CDYL2: variants seen among roughly 807,000 people sequenced by gnomAD.
CDYL2 encodes chromodomain Y-like protein 2.
A neutral mutation model predicts 49.4 loss-of-function variants in CDYL2; 23 were observed. The ratio of observed to expected loss-of-function variants is 0.47; its 90% CI spans 0.34 to 0.66. The LOEUF is 0.66. Ranked by LOEUF, CDYL2 falls within the 30% of genes least tolerant of loss-of-function variation. CDYL2 has a pLI of 0.01. For synonymous variants in CDYL2, 360 were observed against 268.8 expected (o/e 1.34, Z -3.32); for missense variants, 678 against 656.4 (o/e 1.03, Z -0.36).
chr16:80,723,708 T>C (rs1905077435), intron 1 of CDYL2, among the ~76,000 whole-genome samples: 2 of 152,224 alleles, frequency 1.3e-5, no homozygotes, highest in South Asian at 4.1e-4. Flanking sequence ...TTCGTTTACA[T>C]ACTTCTATAG....
intron 1 of CDYL2, among the ~76,000 whole-genome samples, chr16:80,711,970 T>C (rs1320170168): frequency 1.3e-5 from 2 of 150,826 alleles, no homozygotes; most frequent in African/African-American, 4.9e-5. Flanking sequence ...TATATATGTG[T>C]ATACACATAT....
At chr16:80,766,915 A>G (rs1228515906) in intron 1 of CDYL2, among the ~76,000 whole-genome samples, 1 of 152,132 alleles carries the variant, frequency 6.6e-6, no homozygotes, top group African/African-American at 2.4e-5. Flanking sequence ...ACAAATACTG[A>G]CTCATTTCAT....
upstream of CDYL2, among the ~76,000 whole-genome samples, chr16:80,805,005 G>C (rs1038706263): frequency 1.3e-5 from 2 of 152,196 alleles, no homozygotes; most frequent in Non-Finnish European, 2.9e-5. Context: ...GGAGGCCACA[G>C]GGAGGAAGGA....
At chr16:80,642,721 T>G (rs1177376866) in intron 2 of CDYL2, among the ~76,000 whole-genome samples, 2 of 152,098 alleles carry the variant, frequency 1.3e-5, no homozygotes, top group African/African-American at 4.8e-5. Context: ...GATGCAAAAG[T>G]GGAAACCCTT....
chr16:80,785,623 A>C (rs7194085), intron 1 of CDYL2, among the ~76,000 whole-genome samples: 3,609 of 152,288 alleles, frequency 0.024, 118 homozygotes, highest in African/African-American at 0.071. Context: ...TTTAAACTTC[A>C]TATAGAACCA....
chr16:80,742,237 A>T (rs1597110323), intron 1 of CDYL2: 1 of 152,256 alleles, frequency 6.6e-6, no homozygotes, highest in Admixed American at 6.5e-5. Flanking sequence ...AAGCATCAAC[A>T]TCAACAGGAA....
chr16:80,786,990 G>A (rs957973711), intron 1 of CDYL2, among the ~76,000 whole-genome samples: 2 of 151,922 alleles, frequency 1.3e-5, no homozygotes, highest in African/African-American at 2.4e-5. Context: ...GATGGGTGCA[G>A]CAAACCACCA....
chr16:80,612,571 A>G lies in CDYL2; in HGVS notation c.1218+55T>C. The G allele has an allele frequency of 6.6e-7, 1 of 1,520,354 alleles. No homozygotes were observed. Among genetic ancestry groups the G allele is most frequent in the Non-Finnish European group, 8.9e-7 (1 of 1,127,972 alleles). The allele number at this position is 1,520,354 out of a possible 1,614,324, so 94.2% of individuals were successfully genotyped here. On this transcript the variant is annotated intron_variant, in intron 5 of 6. Coordinates refer to ENST00000570137, the MANE Select transcript of CDYL2 (RefSeq NM_152342.4). This position sits in a 1 kb window ranked among gnomAD's most constrained non-coding sequence, Gnocchi z 5.0. ...AGCCCCATGAAGAGCCCCTAAACCC[A>G]AGGCAGAGGAAGGATCCTGCTGGGA... is the stretch of plus-strand genomic sequence containing the variant.
chr16:80,777,906 A>G (rs1907141636), intron 1 of CDYL2, among the ~76,000 whole-genome samples: 1 of 152,088 alleles, frequency 6.6e-6, no homozygotes, highest in Non-Finnish European at 1.5e-5. Context: ...GAGATACTCA[A>G]TACTAAAATT....
In CDYL2 at chr16:80,684,632, G is replaced by T. The variant is rs370582000; in HGVS notation, c.522C>A (p.Ser174=). ...CATTCAAATCCAAGCCAGGCTGATG[G>T]GACCCATTTCCAAAGTGCCTCTCAT... is the stretch of plus-strand genomic sequence containing the variant. The part of the protein sequence containing the change: ...EKDERHFGNG[S]HQPGLDLNDH... Residue 174 remains serine (S), a synonymous_variant, in exon 2 of 7, where the codon TCC becomes TCA. Coordinates refer to ENST00000570137, the MANE Select transcript of CDYL2 (RefSeq NM_152342.4). The T allele has an allele frequency of 2.9e-5, 47 of 1,614,112 alleles. No individual in the cohort carries two copies. In the African/African-American group the frequency reaches 6.1e-4, roughly 21 times the overall value.
intron 1 of CDYL2, among the ~76,000 whole-genome samples, chr16:80,785,810 A>C (rs1907416939): frequency 6.6e-6 from 1 of 152,158 alleles, no homozygotes; most frequent in African/African-American, 2.4e-5. Flanking sequence ...ATAACACCAC[A>C]CATCTACCGT....
intron 2 of CDYL2, among the ~76,000 whole-genome samples, chr16:80,671,646 T>C (rs1456297805): frequency 2.0e-5 from 3 of 152,248 alleles, no homozygotes; most frequent in Admixed American, 2.0e-4. Flanking sequence ...CAAAGAGTAC[T>C]TGAGCATGCA....
At chr16:80,787,373 C>T (rs1426871970) in intron 1 of CDYL2, among the ~76,000 whole-genome samples, 3 of 152,116 alleles carry the variant, frequency 2.0e-5, no homozygotes, top group Non-Finnish European at 4.4e-5. Context: ...TACTTCCATG[C>T]CAAAATGGAA....
At chr16:80,717,162 G>A (rs1226464645) in intron 1 of CDYL2, among the ~76,000 whole-genome samples, 2 of 147,788 alleles carry the variant, frequency 1.4e-5, no homozygotes, top group Admixed American at 1.3e-4. Flanking sequence ...TGGATGGATG[G>A]ATGGATGGAT....
intron 2 of CDYL2, among the ~76,000 whole-genome samples, chr16:80,680,144 C>T (rs182781941): frequency 1.7e-4 from 26 of 152,190 alleles, no homozygotes; most frequent in Non-Finnish European, 3.2e-4. Context: ...AAAGCTGAGA[C>T]GATTTTAAAA....
chr16:80,658,094 T>A (rs1218556778), intron 2 of CDYL2, among the ~76,000 whole-genome samples: 1 of 151,532 alleles, frequency 6.6e-6, no homozygotes, highest in East Asian at 1.9e-4. Flanking sequence ...TAACATAAAT[T>A]TGCTTTTTTT....
intron 1 of CDYL2, among the ~76,000 whole-genome samples, chr16:80,703,930 G>A (rs1904323946): frequency 6.6e-6 from 1 of 152,144 alleles, no homozygotes; most frequent in South Asian, 2.1e-4. Flanking sequence ...TGCGCAGGGT[G>A]GGTGCGCCCA....
At chr16:80,678,990 T>C (rs1225219312) in intron 2 of CDYL2, among the ~76,000 whole-genome samples, 3 of 150,880 alleles carry the variant, frequency 2.0e-5, no homozygotes, top group Admixed American at 1.3e-4. Context: ...GAAATCATCA[T>C]TCTCAGTAAA....
At chr16:80,615,016 C>T (rs1259555291) in intron 4 of CDYL2, among the ~76,000 whole-genome samples, 3 of 152,038 alleles carry the variant, frequency 2.0e-5, no homozygotes, top group Admixed American at 6.6e-5. Flanking sequence ...TAATGTTCTG[C>T]GGGGGTAGAA....
Sources: allele counts gnomAD v4.1 joint callset (sites outside exome capture counted in the v4.1 genomes callset), GRCh38; gene constraint gnomAD v4.1.1; non-coding constraint Gnocchi (gnomAD v3.1); transcripts MANE v1.5; gene names NCBI Gene and HGNC (gene_info 2026-07-23, HGNC 2026-07-21).